Variants in CNMD observed in about 807,000 individuals in gnomAD.
CNMD encodes the protein chondromodulin.
In CNMD, 30 loss-of-function variants were observed where a neutral mutation model predicts 37.5. The observed-to-expected ratio is 0.80, with a 90% CI of 0.60 to 1.09. CNMD has a LOEUF of 1.09. Among genes scored for constraint, CNMD ranks in the 50% least tolerant of loss-of-function variants. CNMD has a pLI of 0.00. For missense variants in CNMD, 398 were observed against 423.9 expected (o/e 0.94, Z 0.54); for synonymous variants, 167 against 148.2 (o/e 1.13, Z -0.92).
At chr13:52,707,618 A>C (rs1964207198) in intron 6 of CNMD, among the ~76,000 whole-genome samples, 1 of 152,176 alleles carries the variant, frequency 6.6e-6, no homozygotes, top group Non-Finnish European at 1.5e-5. Flanking sequence ...CTTCCATTCC[A>C]TATGTTGCCT....
intron 6 of CNMD, among the ~76,000 whole-genome samples, chr13:52,706,269 G>T (rs1964172183): frequency 6.6e-6 from 1 of 152,166 alleles, no homozygotes; most frequent in South Asian, 2.1e-4. Context: ...ACATAGGGCT[G>T]ATGTAATTCC....
At chr13:52,729,702 A>G (rs1964630923) in intron 3 of CNMD, among the ~76,000 whole-genome samples, 1 of 152,166 alleles carries the variant, frequency 6.6e-6, no homozygotes, top group African/African-American at 2.4e-5. Flanking sequence ...GGCTGAATTG[A>G]CAGGTTATGC....
chr13:52,723,501 G>A (rs545287745), intron 4 of CNMD, among the ~76,000 whole-genome samples: 9 of 152,118 alleles, frequency 5.9e-5, no homozygotes, highest in Non-Finnish European at 1.2e-4. Flanking sequence ...TTCCCAAAAC[G>A]TTTAAATATA....
intron 2 of CNMD, among the ~76,000 whole-genome samples, chr13:52,734,789 T>A (rs1183217164): frequency 6.6e-6 from 1 of 152,196 alleles, no homozygotes; most frequent in East Asian, 1.9e-4. Flanking sequence ...TTCTTCCTCA[T>A]TATGAAGAGT....
At chr13:52,724,151 CATTT>C in intron 3 of CNMD, 41 bp from the exon 4 acceptor site, 1 of 1,437,398 alleles carries the variant, frequency 7.0e-7, no homozygotes, top group Non-Finnish European at 9.8e-7. Context: ...TCCATTTGTT[CATTT>C]ATTCGATTTA....
chr13:52,719,308 G>A (rs1016712899), intron 4 of CNMD, among the ~76,000 whole-genome samples: 4 of 151,922 alleles, frequency 2.6e-5, no homozygotes, highest in South Asian at 2.1e-4. Context: ...TTTTAATTGC[G>A]GGATTTAGCC....
At position 52,703,700 on chromosome 13, in the gene CNMD, C is replaced by G. The variant is rs1240063661; in HGVS notation, c.900G>C (p.Leu300=). 2.5e-6 allele frequency: 4 copies of G among 1,613,992 alleles called. No individual in the cohort carries two copies. The highest frequency in any genetic ancestry group is 2.7e-5 in the African/African-American group (2 of 74,928). Reference sequence around the variant, plus strand: ...TATAAGGCCATGGGTAATAGCCCCCCAGGGGTTCACAGATCTTCTGGCAGT... The same window carrying G: ...TATAAGGCCATGGGTAATAGCCCCCGAGGGGTTCACAGATCTTCTGGCAGT... ...YTHCQKICEP[L]GGYYPWPYNY... Residue 300 remains leucine (L), a synonymous_variant, in exon 7 of 7, where the codon CTG becomes CTC. Coordinates refer to ENST00000377962, the MANE Select transcript of CNMD (RefSeq NM_007015.3).
intron 6 of CNMD, among the ~76,000 whole-genome samples, chr13:52,704,679 A>G (rs1019627899): frequency 3.3e-5 from 5 of 152,144 alleles, no homozygotes; most frequent in African/African-American, 1.2e-4. Context: ...TCTTGATTCA[A>G]TTTAAGATTC....
chr13:52,732,583 T>C (rs1964691377), intron 3 of CNMD, among the ~76,000 whole-genome samples: 1 of 152,236 alleles, frequency 6.6e-6, no homozygotes, highest in South Asian at 2.1e-4. Flanking sequence ...CTCATGGTCA[T>C]TTTCTGGATT....
chr13:52,719,566 T>C (rs551477699), intron 4 of CNMD, among the ~76,000 whole-genome samples: 1 of 152,302 alleles, frequency 6.6e-6, no homozygotes, highest in South Asian at 2.1e-4. Context: ...TAAAGGATTT[T>C]ATTTCTCCTT....
At chr13:52,719,172 T>G (rs147823558) in intron 4 of CNMD, among the ~76,000 whole-genome samples, 2,092 of 152,306 alleles carry the variant, frequency 0.014, 25 homozygotes, top group African/African-American at 0.048. Flanking sequence ...TGCTTTCCAT[T>G]TGCTTGGTAA....
At chr13:52,710,410 C>G (rs1230636541) in intron 5 of CNMD, among the ~76,000 whole-genome samples, 1 of 152,230 alleles carries the variant, frequency 6.6e-6, no homozygotes, top group Non-Finnish European at 1.5e-5. Flanking sequence ...GCGTAATTCT[C>G]TACTACCATG....
chr13:52,712,052 G>A (rs1339423149), intron 5 of CNMD, among the ~76,000 whole-genome samples: 1 of 152,168 alleles, frequency 6.6e-6, no homozygotes, highest in African/African-American at 2.4e-5. Flanking sequence ...ATAGGCCTTT[G>A]GGAGGCCAGT....
chr13:52,734,906 C>T (rs759400135), intron 2 of CNMD, among the ~76,000 whole-genome samples: 11 of 152,172 alleles, frequency 7.2e-5, no homozygotes, highest in Admixed American at 1.3e-4. Context: ...TTATTATCAG[C>T]AGAGATACAG....
intron 4 of CNMD, among the ~76,000 whole-genome samples, chr13:52,715,582 T>A (rs1212687300): frequency 6.6e-6 from 1 of 152,184 alleles, no homozygotes; most frequent in East Asian, 1.9e-4. Context: ...AGCTCCTACT[T>A]GTGAGTGAGA....
chr13:52,703,872 T>C (rs1420991070), intron 6 of CNMD, 62 bp from the exon 7 acceptor site: 4 of 1,421,946 alleles, frequency 2.8e-6, no homozygotes, highest in Non-Finnish European at 3.9e-6. Flanking sequence ...AGCATGCATG[T>C]TATTTTTAAA....
intron 5 of CNMD, among the ~76,000 whole-genome samples, chr13:52,712,382 A>G (rs1388837771): frequency 6.6e-6 from 1 of 152,198 alleles, no homozygotes; most frequent in Non-Finnish European, 1.5e-5. Context: ...TTAGAAATAA[A>G]AAAAATGTAA....
At chr13:52,713,362 C>A (rs750152275) in intron 4 of CNMD, among the ~76,000 whole-genome samples, 2 of 152,156 alleles carry the variant, frequency 1.3e-5, no homozygotes, top group Non-Finnish European at 2.9e-5. Context: ...TAAACCATTT[C>A]TCCACTTCCC....
rs769136185 is a variant in CNMD at position 52,733,116 on chromosome 13, A to C, written c.354+103T>G. 2.7e-6 allele frequency: 3 copies of C among 1,129,436 alleles called. No homozygotes were observed. In the East Asian group the frequency reaches 7.0e-5, roughly 26 times the overall value. 70.0% of individuals were successfully genotyped at this position (1,129,436 alleles called of 1,614,324 possible). ...TGGCACTACAACTGCTATAAAGAACAGTTACCATTTGGATGTGTGTGAGAA... is the reference window on the plus strand; with the variant it reads ...TGGCACTACAACTGCTATAAAGAACCGTTACCATTTGGATGTGTGTGAGAA... On this transcript the variant is annotated intron_variant, in intron 3 of 6. Transcript: ENST00000377962.
Sources: gnomAD v4.1 joint callset for allele counts (sites outside exome capture counted in the v4.1 genomes callset) on GRCh38, gnomAD v4.1.1 for gene constraint, MANE v1.5 for transcripts, NCBI Gene and HGNC (gene_info 2026-07-23, HGNC 2026-07-21) for gene names.